The following TANC2 variants were observed in gnomAD, a reference collection of about 807,000 sequenced individuals.
The protein encoded by TANC2 is tetratricopeptide repeat, ankyrin repeat and coiled-coil containing 2.
In TANC2, 26 loss-of-function variants were observed where a neutral mutation model predicts 210.5. The observed-to-expected ratio is 0.12, with a 90% CI of 0.09 to 0.17. The LOEUF is 0.17. TANC2 is among the 10% of genes least tolerant of loss of function. The pLI is 1.00. For synonymous variants in TANC2, 931 were observed against 967.1 expected (o/e 0.96, Z 0.69); for missense variants, 2,129 against 2,608.9 (o/e 0.82, Z 4.01).
At chr17:63,203,992 T>C (rs1026105501) in intron 7 of TANC2, among the ~76,000 whole-genome samples, 17 of 152,184 alleles carry the variant, frequency 1.1e-4, no homozygotes, top group African/African-American at 3.4e-4. Flanking sequence ...TCTGTAGATA[T>C]AAAAAATACA....
chr17:63,325,354 G>A (rs1404935686), intron 11 of TANC2, among the ~76,000 whole-genome samples: 1 of 152,078 alleles, frequency 6.6e-6, no homozygotes, highest in Non-Finnish European at 1.5e-5. Flanking sequence ...TTGCCTTAGG[G>A]CCTTTGCATA....
At chr17:63,150,196 T>A (rs1451888771) in intron 4 of TANC2, 1 of 152,162 alleles carries the variant, frequency 6.6e-6, no homozygotes, top group Non-Finnish European at 1.5e-5. Context: ...AAAAGTAATG[T>A]GATCTTAGAC....
chr17:63,342,671 G>A (rs1207054197), intron 12 of TANC2, among the ~76,000 whole-genome samples: 5 of 151,760 alleles, frequency 3.3e-5, no homozygotes, highest in South Asian at 2.1e-4. Context: ...AGCTACTCGG[G>A]AGGCTGAGGC....
intron 5 of TANC2, among the ~76,000 whole-genome samples, chr17:63,178,127 C>G (rs1005210696): frequency 6.6e-6 from 1 of 152,126 alleles, no homozygotes. Context: ...GTCAGGAGAT[C>G]GAGACCATCG....
At chr17:63,157,889 A>T (rs1432022454) in intron 5 of TANC2, among the ~76,000 whole-genome samples, 1 of 152,124 alleles carries the variant, frequency 6.6e-6, no homozygotes, top group African/African-American at 2.4e-5. Context: ...TGATGGGATT[A>T]CAGGAGTGAC....
intron 14 of TANC2, among the ~76,000 whole-genome samples, chr17:63,359,254 T>G (rs565457600): frequency 9.4e-4 from 143 of 152,128 alleles, no homozygotes; most frequent in African/African-American, 3.4e-3. Context: ...GAAAGAGTCT[T>G]ACTGTGTTCC....
chr17:63,201,828 G>A (rs577710845), intron 7 of TANC2, among the ~76,000 whole-genome samples: 1 of 149,642 alleles, frequency 6.7e-6, no homozygotes, highest in Non-Finnish European at 1.5e-5. Flanking sequence ...CTGTTGGAGG[G>A]CTCATTCATG....
intron 7 of TANC2, among the ~76,000 whole-genome samples, chr17:63,214,597 CT>C (rs773197798): frequency 4.6e-5 from 7 of 152,228 alleles, no homozygotes; most frequent in Non-Finnish European, 8.8e-5. Context: ...TCCCTTGTAG[CT>C]GAAGCCTTTG....
intron 7 of TANC2, among the ~76,000 whole-genome samples, chr17:63,213,555 A>G (rs1455819970): frequency 6.6e-6 from 1 of 152,258 alleles, no homozygotes; most frequent in African/African-American, 2.4e-5. Context: ...CAGGATAAGT[A>G]TACATTTATT....
intron 2 of TANC2, among the ~76,000 whole-genome samples, chr17:63,010,635 G>A (rs949731489): frequency 3.3e-5 from 5 of 152,118 alleles, no homozygotes; most frequent in Non-Finnish European, 1.5e-5. Context: ...ATTGCGTGTG[G>A]TGGATCCCCA....
At chr17:63,149,960 C>T (rs1274891275) in intron 4 of TANC2, 3 of 152,036 alleles carry the variant, frequency 2.0e-5, no homozygotes, top group Non-Finnish European at 4.4e-5. Context: ...AGGTATAAAG[C>T]GTGACTTAGT....
At chr17:63,060,574 C>T (rs1230584472) in intron 2 of TANC2, among the ~76,000 whole-genome samples, 4 of 152,156 alleles carry the variant, frequency 2.6e-5, no homozygotes, top group Middle Eastern at 3.4e-3. Context: ...ATGCTGAGAT[C>T]GCACCACTGC....
At chr17:63,046,736 G>A (rs1000077888) in intron 2 of TANC2, among the ~76,000 whole-genome samples, 4 of 152,034 alleles carry the variant, frequency 2.6e-5, no homozygotes, top group African/African-American at 9.7e-5. Context: ...ATTATGCTAA[G>A]TACTTTAAAA....
intron 4 of TANC2, chr17:63,150,577 A>T (rs1304246239): frequency 1.3e-5 from 2 of 152,198 alleles, no homozygotes; most frequent in Non-Finnish European, 2.9e-5. Context: ...TTGGTAACTA[A>T]ATCACATGTC....
intron 11 of TANC2, among the ~76,000 whole-genome samples, chr17:63,324,988 T>C (rs1292872506): frequency 6.8e-6 from 1 of 146,412 alleles, no homozygotes; most frequent in African/African-American, 2.5e-5. Flanking sequence ...TCTTAAAATA[T>C]CATAAAAATT....
intron 1 of TANC2, among the ~76,000 whole-genome samples, chr17:62,990,245 G>A (rs1029318406): frequency 6.6e-6 from 1 of 152,088 alleles, no homozygotes; most frequent in African/African-American, 2.4e-5. Context: ...TGACAGCAAA[G>A]GCAATGGATG....
chr17:63,056,107 C>T (rs767391528), intron 2 of TANC2, among the ~76,000 whole-genome samples: 9 of 131,698 alleles, frequency 6.8e-5, no homozygotes, highest in Non-Finnish European at 1.1e-4. Context: ...CCCAGGAGGT[C>T]GAGGTTATAG....
intron 3 of TANC2, among the ~76,000 whole-genome samples, chr17:63,087,646 G>A (rs1289152603): frequency 1.3e-5 from 2 of 152,066 alleles, no homozygotes; most frequent in Non-Finnish European, 2.9e-5. Flanking sequence ...CCTCAATACT[G>A]ACTGAGAGTC....
chr17:63,269,147 G>A (rs1028330684), intron 9 of TANC2, among the ~76,000 whole-genome samples: 2 of 152,092 alleles, frequency 1.3e-5, no homozygotes, highest in Non-Finnish European at 2.9e-5. Flanking sequence ...AAGCAAACAG[G>A]ATTTTAAAAT....
Sources: gnomAD v4.1 joint callset for allele counts (sites outside exome capture counted in the v4.1 genomes callset) on GRCh38, gnomAD v4.1.1 for gene constraint, MANE v1.5 for transcripts, NCBI Gene and HGNC (gene_info 2026-07-23, HGNC 2026-07-21) for gene names.